The following GABRA3 variants were observed in gnomAD, a reference collection of about 807,000 sequenced individuals.
GABRA3 encodes the protein gamma-aminobutyric acid receptor subunit alpha-3.
Under a neutral mutation model 30.1 loss-of-function variants are expected in GABRA3, and 10 were observed. That is an observed-to-expected ratio of 0.33 (90% confidence interval 0.20 to 0.56). The LOEUF (loss-of-function observed/expected upper bound fraction) is 0.56, where lower values mean the gene tolerates loss of function less well. Among genes scored for constraint, GABRA3 ranks in the 20% least tolerant of loss-of-function variants. The pLI is 0.89. For missense variants in GABRA3, 233 were observed against 392.0 expected (o/e 0.59, Z 3.42); for synonymous variants, 151 against 146.8 (o/e 1.03, Z -0.21).
intron 1 of GABRA3, among the ~76,000 whole-genome samples, chrX:152,441,407 ATTC>A (rs1002533682): frequency 2.7e-5 from 3 of 112,017 alleles, no homozygotes; most frequent in African/African-American, 9.7e-5. Flanking sequence ...AAGGATGTCA[ATTC>A]TTCTTCAAAT....
intron 1 of GABRA3, among the ~76,000 whole-genome samples, chrX:152,439,693 G>GA (rs1364804149): frequency 1.8e-5 from 2 of 111,148 alleles, no homozygotes; most frequent in African/African-American, 6.5e-5. Context: ...TAAATAGTGG[G>GA]AAAAAAACAA....
intron 6 of GABRA3, among the ~76,000 whole-genome samples, chrX:152,216,376 TATATA>T (rs1937721199): frequency 1.1e-5 from 1 of 89,613 alleles, no homozygotes; most frequent in Non-Finnish European, 2.2e-5. Context: ...AAGAAAATGT[TATATA>T]ATATATAAAC....
At chrX:152,286,209 C>T (rs1386348843) in intron 3 of GABRA3, among the ~76,000 whole-genome samples, 2 of 95,640 alleles carry the variant, frequency 2.1e-5, no homozygotes, top group African/African-American at 9.5e-5. Flanking sequence ...TCCAGAACAG[C>T]AGCTACCCAG....
intron 1 of GABRA3, among the ~76,000 whole-genome samples, chrX:152,429,278 TCTCC>T (rs967236456): frequency 3.6e-5 from 4 of 109,958 alleles, no homozygotes; most frequent in African/African-American, 1.3e-4. Context: ...ATGGTCTCTC[TCTCC>T]CTCCCTCCCT....
intron 3 of GABRA3, among the ~76,000 whole-genome samples, chrX:152,287,167 T>C (rs1939311534): frequency 8.9e-6 from 1 of 112,354 alleles, no homozygotes; most frequent in African/African-American, 3.2e-5. Flanking sequence ...ACATTGCAGA[T>C]ACAGAATAAC....
chrX:152,368,905 C>CCGTGTTAG (rs1270649312), intron 1 of GABRA3, among the ~76,000 whole-genome samples: 2 of 110,338 alleles, frequency 1.8e-5, no homozygotes, highest in African/African-American at 6.6e-5. Flanking sequence ...CGGGGTTTCA[C>CCGTGTTAG]CGTGTTAGCC....
intron 1 of GABRA3, among the ~76,000 whole-genome samples, chrX:152,411,839 A>G (rs1410878966): frequency 8.9e-6 from 1 of 111,903 alleles, no homozygotes; most frequent in East Asian, 2.8e-4. Flanking sequence ...TGGGTCTAGT[A>G]CCCTCAATAT....
chrX:152,187,343 G>C (rs1053010727), intron 9 of GABRA3: 2 of 111,559 alleles, frequency 1.8e-5, no homozygotes, highest in Non-Finnish European at 3.8e-5. Flanking sequence ...CTAGATTTCA[G>C]GTCAAGGATA....
At chrX:152,294,543 A>C (rs1008175465) in intron 3 of GABRA3, among the ~76,000 whole-genome samples, 1 of 110,754 alleles carries the variant, frequency 9.0e-6, no homozygotes, top group Non-Finnish European at 1.9e-5. Flanking sequence ...TTTTTTGAAG[A>C]TTTTTGTCTT....
intron 3 of GABRA3, among the ~76,000 whole-genome samples, chrX:152,345,155 G>GT (rs1306011806): frequency 9.0e-6 from 1 of 111,074 alleles, no homozygotes; most frequent in Non-Finnish European, 1.9e-5. Flanking sequence ...GCAGGTATTG[G>GT]TATTCTGTTA....
At position 152,422,198 on chromosome X, in the gene GABRA3, G is replaced by A. The variant is rs749715676; in HGVS notation, c.-27+28948C>T. Among the ~76,000 whole-genome samples the A allele has an allele frequency of 4.5e-5, 5 of 111,445 alleles. No homozygotes were observed. In the South Asian group the frequency reaches 1.9e-3, roughly 41 times the overall value. The stretch of plus-strand genomic sequence containing the variant: ...ATATAATTGTGGTATATTTATAGAA[G>A]AGACTACTACATAGCACTAAAAATT... On this transcript the variant is annotated intron_variant, in intron 1 of 9. Transcript: ENST00000370314.
At chrX:152,294,069 C>G in intron 3 of GABRA3, among the ~76,000 whole-genome samples, 1 of 111,558 alleles carries the variant, frequency 9.0e-6, no homozygotes, top group Middle Eastern at 4.6e-3. Context: ...ATTTTTCCTT[C>G]ATTTCAACCT....
At chrX:152,199,989 C>G (rs56199625) in intron 7 of GABRA3, among the ~76,000 whole-genome samples, 16,161 of 111,328 alleles carry the variant, frequency 0.15, 935 homozygotes, top group South Asian at 0.22. Context: ...ACCTAGAGTA[C>G]TATAATAGCT....
intron 3 of GABRA3, among the ~76,000 whole-genome samples, chrX:152,312,725 T>C (rs1306776132): frequency 1.8e-5 from 2 of 111,873 alleles, no homozygotes; most frequent in Admixed American, 1.9e-4. Context: ...AATCACAAAC[T>C]ACACATCTGA....
chrX:152,197,785 C>G lies in GABRA3; in HGVS notation c.779G>C (p.Gly260Ala). 1 of 1,199,786 alleles carries G rather than the reference C, an allele frequency of 8.3e-7. No homozygotes were observed. The highest frequency in any genetic ancestry group is 1.1e-6 in the Non-Finnish European group (1 of 887,686). ...GTGGGTTGTCATGACGACATATTCT[C>G]CTAAAGAGAGAGTAAAATTAGGCAG... ...VGTEIIRSST[G>A]EYVVMTTHFH... Residue 260 changes from glycine to alanine, a missense_variant and splice_region_variant, in exon 8 of 10, where the codon GGA (glycine) becomes GCA (alanine). Around this residue, in one of 6 missense-constraint regions of GABRA3, gnomAD observed 18 missense variants for 16.4 expected, o/e 1.09. Transcript: ENST00000370314.
At chrX:152,271,819 G>C (rs1311232245) in intron 4 of GABRA3, among the ~76,000 whole-genome samples, 1 of 111,631 alleles carries the variant, frequency 9.0e-6, no homozygotes, top group Admixed American at 9.5e-5. Context: ...CACTCCAGCT[G>C]TGTCTAAAAA....
At chrX:152,351,768 T>G (rs34749014) in intron 2 of GABRA3, among the ~76,000 whole-genome samples, 2 of 111,767 alleles carry the variant, frequency 1.8e-5, no homozygotes, top group African/African-American at 3.2e-5. Flanking sequence ...TTACTAAGCT[T>G]AATCATTTCT....
At chrX:152,272,141 C>T (rs1477857621) in intron 4 of GABRA3, among the ~76,000 whole-genome samples, 1 of 111,331 alleles carries the variant, frequency 9.0e-6, no homozygotes, top group Non-Finnish European at 1.9e-5. Context: ...TCCTGCAGAC[C>T]CCAGAATGGT....
intron 9 of GABRA3, among the ~76,000 whole-genome samples, chrX:152,176,843 G>C (rs1412328653): frequency 9.0e-6 from 1 of 111,396 alleles, no homozygotes; most frequent in African/African-American, 3.3e-5. Flanking sequence ...GATTGAATGA[G>C]GTCGCTTGAG....
Sources: gnomAD v4.1 joint callset for allele counts (sites outside exome capture counted in the v4.1 genomes callset) on GRCh38, gnomAD v4.1.1 for gene constraint, gnomAD v4.1.1 regional missense constraint, MANE v1.5 for transcripts, NCBI Gene and HGNC (gene_info 2026-07-23, HGNC 2026-07-21) for gene names.